DISP3: variants seen among roughly 807,000 people sequenced by gnomAD.
The protein encoded by DISP3 is dispatched RND transporter family member 3, also known as protein dispatched homolog 3.
In DISP3, 101 loss-of-function variants were observed where a neutral mutation model predicts 135.3. The ratio of observed to expected loss-of-function variants is 0.75; its 90% CI spans 0.64 to 0.88. The LOEUF (loss-of-function observed/expected upper bound fraction) is 0.88. Ranked by LOEUF, DISP3 falls within the 40% of genes least tolerant of loss-of-function variation. The pLI is 0.00. For synonymous variants in DISP3, 856 were observed against 817.0 expected, an observed-to-expected ratio of 1.05 and a Z score of -0.81; for missense variants, 1,713 against 1,878.6, an observed-to-expected ratio of 0.91 and a Z score of 1.63.
In DISP3 at chr1:11,531,772, G is replaced by C; in HGVS notation, c.3375+62G>C. 6.5e-7 allele frequency: 1 copy of C among 1,532,930 alleles called. No individual in the cohort carries two copies. Among genetic ancestry groups the C allele is most frequent in the South Asian group, 1.3e-5 (1 of 78,308 alleles). The allele number at this position is 1,532,930 out of a possible 1,614,324, so 95.0% of individuals were successfully genotyped here. A position where few individuals can be genotyped will look rare whatever the true frequency, so the allele number is the denominator to read the frequency against. ...TACTTGCCCGGGGTGTGCCACCTCT[G>C]ATCCCAGCCCTCTTCCCAGATCGGG... On this transcript the variant is annotated intron_variant, in intron 17 of 20. Coordinates refer to ENST00000294484, the MANE Select transcript of DISP3 (RefSeq NM_020780.2). The surrounding 1 kb of genome is among the most constrained non-coding windows in gnomAD (Gnocchi z 5.2).
chr1:11,535,973 TC>T (rs1642697515), intron 20 of DISP3, among the ~76,000 whole-genome samples: 1 of 152,134 alleles, frequency 6.6e-6, no homozygotes, highest in Admixed American at 6.5e-5. Context: ...ACAAGTCTGC[TC>T]CAGCCCCTGG....
rs1642148585 is a variant in DISP3 at position 11,520,344 on chromosome 1, T to C, written c.2201-343T>C. ...CAGTGAATGTCAAGTGCTATTATCATTGTCATCTTCGACACTATTTCAGAG... is the reference window on the plus strand; with the variant it reads ...CAGTGAATGTCAAGTGCTATTATCACTGTCATCTTCGACACTATTTCAGAG... On this transcript the variant is annotated intron_variant, in intron 9 of 20. Coordinates refer to ENST00000294484, the MANE Select transcript of DISP3 (RefSeq NM_020780.2). This position sits in a 1 kb window ranked among gnomAD's most constrained non-coding sequence, Gnocchi z 4.8. 6.6e-6 allele frequency among the ~76,000 whole-genome samples: 1 copy of C among 152,160 alleles called. No individual in the cohort carries two copies. Among genetic ancestry groups the C allele is most frequent in the Non-Finnish European group, 1.5e-5 (1 of 68,014 alleles).
chr1:11,509,440 A>G (rs536348079), intron 3 of DISP3, among the ~76,000 whole-genome samples: 13 of 152,240 alleles, frequency 8.5e-5, no homozygotes, highest in African/African-American at 3.1e-4. Context: ...GGTCTTCTAT[A>G]TCCTTACTGA....
rs74873941 is a variant in DISP3, at chr1:11,530,981, C to T, written c.3177C>T (p.Ile1059=). 1,634 of 1,613,962 alleles carry T rather than the reference C, an allele frequency of 1.0e-3. 12 individuals are homozygous for T. The African/African-American group carries it at 0.019, about 18-fold the overall frequency. Residue 1059 remains isoleucine (I), a synonymous_variant, in exon 16 of 21, where the codon ATC becomes ATT. Coordinates refer to ENST00000294484, the MANE Select transcript of DISP3 (RefSeq NM_020780.2). ...IGHLCHLCKA[I]AANSELVKPG... Reference sequence around the variant, plus strand: ...ACCTGTGTCACCTCTGCAAGGCCATCGCAGCCAACTCCGAGCTGGTGAAGC... The same window carrying T: ...ACCTGTGTCACCTCTGCAAGGCCATTGCAGCCAACTCCGAGCTGGTGAAGC...
At chr1:11,497,081 C>T (rs1641355653) in intron 1 of DISP3, among the ~76,000 whole-genome samples, 1 of 152,210 alleles carries the variant, frequency 6.6e-6, no homozygotes, top group South Asian at 2.1e-4. Flanking sequence ...CCTGCCTTGT[C>T]CATTTCACAC....
intron 10 of DISP3, among the ~76,000 whole-genome samples, chr1:11,522,772 ACCCAGCCAGGGCCCAGCCAGAG>A (rs1642266480): frequency 2.0e-4 from 3 of 14,980 alleles, no homozygotes; most frequent in South Asian, 2.1e-3. Flanking sequence ...CCCAGCCAGG[ACCCAGCCAGGGCCCAGCCAGAG>A]CCCAGCCAGG....
At position 11,536,047 on chromosome 1, in the gene DISP3, T is replaced by A. The variant is rs1377342130; in HGVS notation, c.3817-277T>A. On this transcript the variant is annotated intron_variant, in intron 20 of 20. Transcript: ENST00000294484. This position sits in a 1 kb window ranked among gnomAD's most constrained non-coding sequence, Gnocchi z 4.3. ...AACCGGCTCTGGGCCTAGTAACGATTTTTTTCTTTAGTTTGGAATTGCGTT... is the reference window on the plus strand; with the variant it reads ...AACCGGCTCTGGGCCTAGTAACGATATTTTTCTTTAGTTTGGAATTGCGTT... 6.6e-6 allele frequency among the ~76,000 whole-genome samples: 1 copy of A among 152,234 alleles called. No homozygotes were observed. Among genetic ancestry groups the A allele is most frequent in the East Asian group, 1.9e-4 (1 of 5,198 alleles).
At position 11,536,711 on chromosome 1, in the gene DISP3, C is replaced by G. The variant is rs1274135506; in HGVS notation, c.*25C>G. 6.7e-7 allele frequency: 1 copy of G among 1,501,678 alleles called. No homozygotes were observed. Among genetic ancestry groups the G allele is most frequent in the African/African-American group, 1.4e-5 (1 of 71,316 alleles). The allele number at this position is 1,501,678 out of a possible 1,614,324, so 93.0% of individuals were successfully genotyped here. Reference sequence around the variant, plus strand: ...GCCCGGGACGGGCTCTGGACACTTGCACCTTTGGTCCCATGGGTGGGGGAC... The same window carrying G: ...GCCCGGGACGGGCTCTGGACACTTGGACCTTTGGTCCCATGGGTGGGGGAC... On this transcript the variant is annotated 3_prime_UTR_variant, in exon 21 of 21. Transcript: ENST00000294484. This position sits in a 1 kb window ranked among gnomAD's most constrained non-coding sequence, Gnocchi z 4.3.
intron 1 of DISP3, among the ~76,000 whole-genome samples, chr1:11,484,195 C>A (rs1314599717): frequency 6.6e-6 from 1 of 152,174 alleles, no homozygotes; most frequent in Non-Finnish European, 1.5e-5. Context: ...ATCCCCATAA[C>A]CACTCAAGAG....
rs199823398 is a variant in DISP3, at chr1:11,520,743, G to A, written c.2257G>A (p.Ala753Thr). 8.7e-6 allele frequency: 14 copies of A among 1,613,384 alleles called. No homozygotes were observed. Among genetic ancestry groups the A allele is most frequent in the Middle Eastern group, 1.7e-4 (1 of 6,060 alleles). ...GGTGTTCGCCAGCCGGCTCCGCCCC[G>A]CCAGCCGGGCCCCGCTACTCTTCCG... Reference protein sequence around the residue: ...SLVFASRLRPASRAPLLFRPD... With the variant: ...SLVFASRLRPTSRAPLLFRPD... Residue 753 changes from alanine to threonine, a missense_variant, in exon 10 of 21, where the codon GCC (alanine) becomes ACC (threonine). Around this residue, in one of 2 missense-constraint regions of DISP3, gnomAD observed 1,142 missense variants for 1,384.6 expected, o/e 0.82. Coordinates refer to ENST00000294484, the MANE Select transcript of DISP3 (RefSeq NM_020780.2). The surrounding 1 kb of genome is among the most constrained non-coding windows in gnomAD (Gnocchi z 4.8).
chr1:11,485,213 G>GT (rs1641004998), intron 1 of DISP3, among the ~76,000 whole-genome samples: 1 of 152,050 alleles, frequency 6.6e-6, no homozygotes, highest in Non-Finnish European at 1.5e-5. Context: ...GTCCCCTGGG[G>GT]CTGAGACGGC....
chr1:11,500,018 C>G (rs1161501827), intron 1 of DISP3, among the ~76,000 whole-genome samples: 1 of 152,274 alleles, frequency 6.6e-6, no homozygotes, highest in Admixed American at 6.5e-5. Flanking sequence ...GGAAAGCCTC[C>G]TCTCTTTGGG....
Position 11,501,218 on chromosome 1 carries a change from C to G in DISP3, c.226C>G (p.Leu76Val). ...CTTCACCAATCCGTGCTGTGCTGGG[C>G]TGGTGCTCTTCCTGGGCTGCAGCAT... ...WAFTNPCCAG[L>V]VLFLGCSIPM... The change falls in exon 2 of 21, where the codon CTG (leucine) becomes GTG (valine). Residue 76 changes from leucine to valine, a missense_variant. Leu to Val is a conservative substitution (Grantham distance 32, BLOSUM62 1). Transcript: ENST00000294484. This position sits in a 1 kb window ranked among gnomAD's most constrained non-coding sequence, Gnocchi z 4.9. The G allele has an allele frequency of 1.2e-6, 2 of 1,614,206 alleles. No homozygotes were observed. The highest frequency in any genetic ancestry group is 1.7e-6 in the Non-Finnish European group (2 of 1,180,038).
At chr1:11,511,543 G>T (rs1410641059) in intron 3 of DISP3, among the ~76,000 whole-genome samples, 4 of 152,226 alleles carry the variant, frequency 2.6e-5, no homozygotes, top group African/African-American at 7.2e-5. Context: ...CAAGAGGTGG[G>T]TTTCCATGGT....
intron 18 of DISP3, 46 bp from the exon 19 acceptor site, chr1:11,534,965 C>T (rs539236036): frequency 1.9e-5 from 28 of 1,498,312 alleles, no homozygotes; most frequent in Non-Finnish European, 1.8e-5. Flanking sequence ...CAGCTTGCTG[C>T]GACCGCCCAC....
rs781545020 is a variant in DISP3 at position 11,530,871 on chromosome 1, G to C, written c.3103-36G>C. 38 of 1,611,476 alleles carry C rather than the reference G, an allele frequency of 2.4e-5. No individual in the cohort carries two copies. The Admixed American group carries it at 6.0e-4, about 25-fold the overall frequency. ...CCCAGGACTGAGTCCCCGTCTCACT[G>C]AGCGGCCCGGGCCGGCTTGTTTCTC... On this transcript the variant is annotated intron_variant, in intron 15 of 20. Coordinates refer to ENST00000294484, the MANE Select transcript of DISP3 (RefSeq NM_020780.2).
In DISP3 at chr1:11,531,540, C is replaced by T; in HGVS notation, c.3230-25C>T. On this transcript the variant is annotated intron_variant, in intron 16 of 20. Transcript: ENST00000294484. This position sits in a 1 kb window ranked among gnomAD's most constrained non-coding sequence, Gnocchi z 5.2. ...CAGGCTCTTCCAGGGCCACCACGCA[C>T]TCCCTTTCTTGCCTCTCCCCGCAGG... The T allele has an allele frequency of 1.2e-6, 2 of 1,613,152 alleles. No homozygotes were observed. The highest frequency in any genetic ancestry group is 1.7e-6 in the Non-Finnish European group (2 of 1,179,912).
At position 11,502,892 on chromosome 1, in the gene DISP3, T is replaced by C. The variant is rs1570092981; in HGVS notation, c.1311T>C (p.Ser437=). ...ACGTGGCCATGCTGGCCAAGCAGTC[T>C]ACCAGGTAGGAAGTCCAGCTGCATC... ...VTYVAMLAKQ[S]TSKVQVLYGG... is the part of the protein sequence containing the mutation. The change falls in exon 3 of 21, where the codon TCT becomes TCC. Residue 437 remains serine (S), a synonymous_variant. Transcript: ENST00000294484. The C allele has an allele frequency of 6.2e-7, 1 of 1,611,690 alleles. No homozygotes were observed. The highest frequency in any genetic ancestry group is 8.5e-7 in the Non-Finnish European group (1 of 1,178,588).
intron 5 of DISP3, 132 bp from the exon 6 acceptor site, chr1:11,515,869 G>GT (rs1180800432): frequency 9.1e-7 from 1 of 1,094,504 alleles, no homozygotes; most frequent in Non-Finnish European, 1.3e-6. Context: ...TCTCCAAACT[G>GT]TAAGCTCAGA....
Sources: allele counts gnomAD v4.1 joint callset (sites outside exome capture counted in the v4.1 genomes callset), GRCh38; gene constraint gnomAD v4.1.1; regional missense constraint gnomAD v4.1.1; non-coding constraint Gnocchi (gnomAD v3.1); transcripts MANE v1.5; gene names NCBI Gene and HGNC (gene_info 2026-07-23, HGNC 2026-07-21).